The following CALN1 variants were observed in gnomAD, a reference collection of about 807,000 sequenced individuals.
The protein encoded by CALN1 is calneuron 1, also known as calcium-binding protein 8.
Under a neutral mutation model 30.6 loss-of-function variants are expected in CALN1, and 17 were observed. That is an observed-to-expected ratio of 0.56 (90% CI 0.38 to 0.83). The LOEUF (loss-of-function observed/expected upper bound fraction) is 0.83, where lower values mean the gene tolerates loss of function less well. Among genes scored for constraint, CALN1 ranks in the 40% least tolerant of loss-of-function variants. The pLI is 0.00. For missense variants in CALN1, 291 were observed against 354.9 expected (o/e 0.82, Z 1.45); for synonymous variants, 156 against 131.4 (o/e 1.19, Z -1.28).
At chr7:72,364,015 G>A (rs1335446193) in intron 2 of CALN1, among the ~76,000 whole-genome samples, 1 of 151,810 alleles carries the variant, frequency 6.6e-6, no homozygotes, top group Non-Finnish European at 1.5e-5. Context: ...GATTACAGGC[G>A]TGAGCCACGG....
chr7:72,411,619 TC>T lies in CALN1; in HGVS notation c.-74+438del, dbSNP rs576266622. On this transcript the variant is annotated intron_variant, in intron 1 of 6. Transcript: ENST00000395275. ...CAAAATACCACTTCCGGCTAAGTAATCAGCTCCATGGGAGGAAATACGAAAA... is the reference window on the plus strand; with the variant it reads ...CAAAATACCACTTCCGGCTAAGTAATAGCTCCATGGGAGGAAATACGAAAA... Among the ~76,000 whole-genome samples the T allele has an allele frequency of 3.2e-3, 488 of 152,308 alleles. 1 individual carries two copies. Among genetic ancestry groups the T allele is most frequent in the Non-Finnish European group, 5.1e-3 (347 of 68,020 alleles).
At chr7:72,086,561 G>C (rs576073195) in intron 4 of CALN1, among the ~76,000 whole-genome samples, 1 of 145,514 alleles carries the variant, frequency 6.9e-6, no homozygotes, top group South Asian at 2.3e-4. Context: ...TGCCTCCCAA[G>C]TAGCTGGGAC....
chr7:72,379,304 T>C (rs1320444286), intron 2 of CALN1, among the ~76,000 whole-genome samples: 1 of 152,188 alleles, frequency 6.6e-6, no homozygotes, highest in Admixed American at 6.5e-5. Context: ...CAATTTATTC[T>C]CATTTTCTCT....
intron 5 of CALN1, among the ~76,000 whole-genome samples, chr7:71,836,881 G>A (rs1400631386): frequency 6.7e-6 from 1 of 150,268 alleles, no homozygotes; most frequent in African/African-American, 2.4e-5. Flanking sequence ...GCCTCCCAAA[G>A]TGCTGGGATT....
intron 5 of CALN1, among the ~76,000 whole-genome samples, chr7:71,967,495 G>T (rs1797583757): frequency 6.6e-6 from 1 of 151,790 alleles, no homozygotes. Context: ...TGAGCTCAGT[G>T]GTGCATGCCT....
At chr7:72,270,512 C>G (rs534684259) in intron 3 of CALN1, among the ~76,000 whole-genome samples, 41 of 152,174 alleles carry the variant, frequency 2.7e-4, no homozygotes, top group Non-Finnish European at 5.6e-4. Flanking sequence ...TGGCTCATGC[C>G]TGTAATCCCA....
At chr7:72,439,903 G>A (rs1808299402) in intron 1 of CALN1, among the ~76,000 whole-genome samples, 2 of 152,070 alleles carry the variant, frequency 1.3e-5, no homozygotes, top group Non-Finnish European at 2.9e-5. Flanking sequence ...ACATTGAGGA[G>A]GCTGAGGAGG....
At chr7:72,355,146 G>A (rs1332010179) in intron 2 of CALN1, among the ~76,000 whole-genome samples, 3 of 152,104 alleles carry the variant, frequency 2.0e-5, no homozygotes, top group Admixed American at 2.0e-4. Flanking sequence ...ATGCTCAAGT[G>A]ATCCGCCCAC....
intron 4 of CALN1, among the ~76,000 whole-genome samples, chr7:72,037,185 C>G (rs774943785): frequency 6.6e-6 from 1 of 151,626 alleles, no homozygotes; most frequent in Non-Finnish European, 1.5e-5. Context: ...CAGTCTCGCA[C>G]TGTCACCCAG....
intron 3 of CALN1, among the ~76,000 whole-genome samples, chr7:72,248,947 A>G (rs1307354282): frequency 2.0e-5 from 3 of 152,246 alleles, no homozygotes; most frequent in Non-Finnish European, 4.4e-5. Context: ...GTTCCAAGAT[A>G]TAAGAGAAAG....
chr7:72,257,632 A>T (rs186606841), intron 3 of CALN1, among the ~76,000 whole-genome samples: 201 of 152,328 alleles, frequency 1.3e-3, no homozygotes, highest in African/African-American at 4.6e-3. Flanking sequence ...AAAGGGAAAG[A>T]AGTCATTCTA....
the CALN1 span, among the ~76,000 whole-genome samples, chr7:72,497,126 G>A: frequency 6.6e-6 from 1 of 152,104 alleles, no homozygotes; most frequent in African/African-American, 2.4e-5. Context: ...ATTTTAGCAG[G>A]CGCTCAGTGC....
rs558296885 is a variant in CALN1, at chr7:71,786,191, C to G, written c.*1584G>C. 1.3e-5 allele frequency: 2 copies of G among 152,332 alleles called. No homozygotes were observed. The highest frequency in any genetic ancestry group is 4.1e-4 in the South Asian group (2 of 4,820). 9.4% of individuals were successfully genotyped at this position (152,332 alleles called of 1,614,324 possible). On this transcript the variant is annotated 3_prime_UTR_variant, in exon 7 of 7. Coordinates refer to ENST00000395275, the MANE Select transcript of CALN1 (RefSeq NM_031468.4). ...GACAGGGAGGGAGATCAGGAACACACAACGCACCAAAAAATCCTACCCACT... is the reference window on the plus strand; with the variant it reads ...GACAGGGAGGGAGATCAGGAACACAGAACGCACCAAAAAATCCTACCCACT...
intron 4 of CALN1, among the ~76,000 whole-genome samples, chr7:72,050,551 A>T (rs951173323): frequency 6.6e-6 from 1 of 152,226 alleles, no homozygotes; most frequent in African/African-American, 2.4e-5. Context: ...AGAGCCCTAG[A>T]TCACTCCGAA....
the CALN1 span, among the ~76,000 whole-genome samples, chr7:72,485,360 A>C: frequency 6.6e-6 from 1 of 152,140 alleles, no homozygotes; most frequent in Non-Finnish European, 1.5e-5. Context: ...AGTGTTTAAG[A>C]TCAGCCTGAG....
intron 5 of CALN1, among the ~76,000 whole-genome samples, chr7:71,847,769 G>GA (rs1425161344): frequency 7.8e-6 from 1 of 128,176 alleles, no homozygotes; most frequent in Non-Finnish European, 1.7e-5. Context: ...AGAAGAAGAA[G>GA]AAGAAAGAAG....
intron 2 of CALN1, among the ~76,000 whole-genome samples, chr7:72,399,679 C>G (rs1158445904): frequency 6.6e-6 from 1 of 152,164 alleles, no homozygotes; most frequent in Admixed American, 6.5e-5. Flanking sequence ...TTTCCCAGCA[C>G]TTCATGGAGA....
At chr7:72,039,622 C>G (rs764156924) in intron 4 of CALN1, among the ~76,000 whole-genome samples, 24 of 152,128 alleles carry the variant, frequency 1.6e-4, no homozygotes, top group Non-Finnish European at 2.9e-4. Context: ...GGGTCTCCCC[C>G]ACCACCACCA....
intron 3 of CALN1, among the ~76,000 whole-genome samples, chr7:72,125,072 G>C (rs1044094478): frequency 6.6e-6 from 1 of 152,054 alleles, no homozygotes; most frequent in African/African-American, 2.4e-5. Flanking sequence ...TTTGTCACCT[G>C]GGCTGGCGTG....
Sources: allele counts gnomAD v4.1 joint callset (sites outside exome capture counted in the v4.1 genomes callset), GRCh38; gene constraint gnomAD v4.1.1; transcripts MANE v1.5; gene names NCBI Gene and HGNC (gene_info 2026-07-23, HGNC 2026-07-21).